The following PCDHGA1 variants were observed in gnomAD, a reference collection of about 807,000 sequenced individuals.
The protein encoded by PCDHGA1 is protocadherin gamma subfamily A, 1.
Under a neutral mutation model 58.0 loss-of-function variants are expected in PCDHGA1, and 32 were observed. The ratio of observed to expected loss-of-function variants is 0.55; its 90% CI spans 0.42 to 0.74. The LOEUF is 0.74. Ranked by LOEUF, PCDHGA1 falls within the 30% of genes least tolerant of loss-of-function variation. The pLI is 0.00. For missense variants in PCDHGA1, 1,205 were observed against 1,182.3 expected, an observed-to-expected ratio of 1.02 and a Z score of -0.28; for synonymous variants, 498 against 501.1, an observed-to-expected ratio of 0.99 and a Z score of 0.08.
chr5:141,336,701 A>C (rs1756632558), intron 1 of PCDHGA1, among the ~76,000 whole-genome samples: 2 of 152,210 alleles, frequency 1.3e-5, no homozygotes. Context: ...AGAAAACAGG[A>C]GGAAACCTTC....
chr5:141,467,506 G>A (rs1364362269), intron 1 of PCDHGA1, among the ~76,000 whole-genome samples: 1 of 152,094 alleles, frequency 6.6e-6, no homozygotes, highest in Non-Finnish European at 1.5e-5. Flanking sequence ...TGATCTAATT[G>A]GAGTTTATTC....
chr5:141,357,406 C>T, intron 1 of PCDHGA1: 2 of 1,614,232 alleles, frequency 1.2e-6, no homozygotes, highest in Non-Finnish European at 1.7e-6. Context: ...GGCAGGTGTG[C>T]CTGCCTCGCA....
chr5:141,380,982 T>A (rs1776910305), intron 1 of PCDHGA1, among the ~76,000 whole-genome samples: 3 of 152,248 alleles, frequency 2.0e-5, no homozygotes, highest in Non-Finnish European at 2.9e-5. Flanking sequence ...AAATAGAATT[T>A]AACTCCAGTT....
intron 1 of PCDHGA1, chr5:141,419,893 TCCC>T (rs571839457): frequency 5.0e-5 from 81 of 1,613,960 alleles, no homozygotes; most frequent in Non-Finnish European, 6.5e-5. Context: ...TCAGCGACCA[TCCC>T]ACACCCTCTG....
intron 1 of PCDHGA1, chr5:141,352,272 T>G (rs1437791684): frequency 6.2e-7 from 1 of 1,613,926 alleles, no homozygotes; most frequent in African/African-American, 1.3e-5. Flanking sequence ...TTGCCAGACC[T>G]CAGCGACCGC....
At chr5:141,344,237 C>T in intron 1 of PCDHGA1, 1 of 1,614,036 alleles carries the variant, frequency 6.2e-7, no homozygotes, top group Non-Finnish European at 8.5e-7. Context: ...GCATCGTCTC[C>T]AGAGGTAGGA....
chr5:141,374,327 G>C (rs766746841), intron 1 of PCDHGA1: 24 of 1,613,984 alleles, frequency 1.5e-5, no homozygotes, highest in Non-Finnish European at 2.0e-5. Context: ...TCCGCGAAAC[G>C]GCAGCTTGGT....
intron 2 of PCDHGA1, among the ~76,000 whole-genome samples, chr5:141,498,371 C>T (rs188547878): frequency 6.6e-6 from 1 of 151,838 alleles, no homozygotes; most frequent in Admixed American, 6.6e-5. Flanking sequence ...TGTGGTGAGG[C>T]CTCCTGGGAT....
At chr5:141,361,713 C>G in intron 1 of PCDHGA1, 1 of 1,613,404 alleles carries the variant, frequency 6.2e-7, no homozygotes, top group Non-Finnish European at 8.5e-7. Context: ...AGCAGCTGCG[C>G]GCCTTCGAGC....
At chr5:141,409,546 C>G in intron 1 of PCDHGA1, 1 of 1,613,998 alleles carries the variant, frequency 6.2e-7, no homozygotes, top group Non-Finnish European at 8.5e-7. Flanking sequence ...TCAACGACAA[C>G]GCCCCAGTTT....
In PCDHGA1 at chr5:141,491,942, C is replaced by A; in HGVS notation, c.2422-2865C>A. The A allele has an allele frequency of 8.9e-7, 1 of 1,122,490 alleles. No individual in the cohort carries two copies. The highest frequency in any genetic ancestry group is 1.2e-6 in the Non-Finnish European group (1 of 824,374). 69.5% of individuals were successfully genotyped at this position (1,122,490 alleles called of 1,614,324 possible). The stretch of plus-strand genomic sequence containing the variant: ...GGCGAGGGGAGGTGGGACCGACCCC[C>A]ACCCCTACACTCAAAAAAGGCCGGG... On this transcript the variant is annotated intron_variant, in intron 1 of 3. Transcript: ENST00000517417. The surrounding 1 kb of genome is among the most constrained non-coding windows in gnomAD (Gnocchi z 6.9).
chr5:141,476,029 A>G lies in PCDHGA1; in HGVS notation c.2422-18778A>G, dbSNP rs975943706. The G allele has an allele frequency of 2.3e-5, 34 of 1,455,312 alleles. No homozygotes were observed. The highest frequency in any genetic ancestry group is 1.1e-4 in the African/African-American group (8 of 70,728). 90.1% of individuals were successfully genotyped at this position (1,455,312 alleles called of 1,614,324 possible). A position where few individuals can be genotyped will look rare whatever the true frequency, so the allele number is the denominator to read the frequency against. On this transcript the variant is annotated intron_variant, in intron 1 of 3. Transcript: ENST00000517417. The surrounding 1 kb of genome is among the most constrained non-coding windows in gnomAD (Gnocchi z 7.6). The stretch of plus-strand genomic sequence containing the variant: ...GAAAGCCATGTCGGACTCGGCGCCC[A>G]GCGCCCAAGCGCTAACCCGCTGAAA...
chr5:141,366,703 T>C, intron 1 of PCDHGA1: 5 of 1,614,226 alleles, frequency 3.1e-6, no homozygotes, highest in Non-Finnish European at 3.4e-6. Context: ...GCGAGCCTCT[T>C]CTGATGTCTG....
In PCDHGA1 at chr5:141,462,600, A is replaced by G. The variant is rs2154567827; in HGVS notation, c.2422-32207A>G. ...ATCCAGTGAAGTTTCCATTTCATAT[A>G]TTGTATTTTTCACTTTTAGAAGTTC... is the stretch of plus-strand genomic sequence containing the variant. On this transcript the variant is annotated intron_variant, in intron 1 of 3. Coordinates refer to ENST00000517417, the MANE Select transcript of PCDHGA1 (RefSeq NM_018912.3). Among the ~76,000 whole-genome samples, 6 of 152,076 alleles carry G rather than the reference A, an allele frequency of 3.9e-5. No homozygotes were observed. In the Middle Eastern group the frequency reaches 0.014, roughly 345 times the overall value.
At chr5:141,385,499 A>G in intron 1 of PCDHGA1, 1 of 1,381,812 alleles carries the variant, frequency 7.2e-7, no homozygotes, top group Non-Finnish European at 9.4e-7. Context: ...AGGATATAGT[A>G]TTTCTTTAGT....
intron 1 of PCDHGA1, chr5:141,364,395 C>T (rs1330798978): frequency 1.9e-6 from 3 of 1,603,432 alleles, no homozygotes; most frequent in Admixed American, 1.7e-5. Flanking sequence ...CTCCTGGGGA[C>T]GCTGTGCGAG....
chr5:141,399,559 G>T (rs1589373313), intron 1 of PCDHGA1: 1 of 1,614,038 alleles, frequency 6.2e-7, no homozygotes, highest in African/African-American at 1.3e-5. Context: ...CCTGGACTTG[G>T]GGTTGAACGG....
At chr5:141,484,912 T>G (rs1594427765) in intron 1 of PCDHGA1, 1 of 437,066 alleles carries the variant, frequency 2.3e-6, no homozygotes, top group East Asian at 4.0e-5. Flanking sequence ...TGCGACGCAT[T>G]AACCCTGCTG....
In PCDHGA1 at chr5:141,431,457, T is replaced by C; in HGVS notation, c.2422-63350T>C. ...ACCGCGCGCATCCGCGTGATGGTTC[T>C]GGATGCGAACGACAACGCACCAGCG... On this transcript the variant is annotated intron_variant, in intron 1 of 3. Transcript: ENST00000517417. This position sits in a 1 kb window ranked among gnomAD's most constrained non-coding sequence, Gnocchi z 4.8. 6.2e-7 allele frequency: 1 copy of C among 1,613,818 alleles called. No homozygotes were observed. Among genetic ancestry groups the C allele is most frequent in the South Asian group, 1.1e-5 (1 of 91,088 alleles).
Sources: gnomAD v4.1 joint callset for allele counts (sites outside exome capture counted in the v4.1 genomes callset) on GRCh38, gnomAD v4.1.1 for gene constraint, Gnocchi (gnomAD v3.1) non-coding constraint, MANE v1.5 for transcripts, NCBI Gene and HGNC (gene_info 2026-07-23, HGNC 2026-07-21) for gene names.